NR1H4: variants seen among roughly 807,000 people sequenced by gnomAD.
NR1H4 encodes the protein bile acid receptor.
A neutral mutation model predicts 58.5 loss-of-function variants in NR1H4; 23 were observed. That is an observed-to-expected ratio of 0.39 (90% CI 0.28 to 0.56). The LOEUF (loss-of-function observed/expected upper bound fraction) is 0.56. Among genes scored for constraint, NR1H4 ranks in the 20% least tolerant of loss-of-function variants. The pLI is 0.58. For synonymous variants in NR1H4, 214 were observed against 198.0 expected, an observed-to-expected ratio of 1.08 and a Z score of -0.68; for missense variants, 487 against 576.9, an observed-to-expected ratio of 0.84 and a Z score of 1.60.
intron 3 of NR1H4, chr12:100,503,427 A>T (rs1399419464): frequency 6.3e-7 from 1 of 1,597,738 alleles, no homozygotes; most frequent in South Asian, 1.1e-5. Flanking sequence ...TCCAATTCAA[A>T]TTAGTCCTCA....
chr12:100,557,818 T>A (rs1241185414), intron 9 of NR1H4, among the ~76,000 whole-genome samples: 1 of 152,238 alleles, frequency 6.6e-6, no homozygotes, highest in Non-Finnish European at 1.5e-5. Flanking sequence ...TATTCTGGTT[T>A]GCTCAGCCAA....
At chr12:100,537,086 T>C (rs1222403807) in intron 8 of NR1H4, 39 bp downstream of exon 8, 11 of 1,196,110 alleles carry the variant, frequency 9.2e-6, no homozygotes, top group African/African-American at 1.5e-5. Context: ...TTATTGAGAG[T>C]TTAAATATGT....
chr12:100,515,275 A>C (rs1954235890), intron 4 of NR1H4, among the ~76,000 whole-genome samples: 1 of 145,178 alleles, frequency 6.9e-6, no homozygotes, highest in Non-Finnish European at 1.5e-5. Flanking sequence ...GGTTCAAGTG[A>C]TTCTCCTGCC....
chr12:100,542,351 A>T (rs1295616796), intron 9 of NR1H4, among the ~76,000 whole-genome samples: 1 of 152,186 alleles, frequency 6.6e-6, no homozygotes, highest in Non-Finnish European at 1.5e-5. Context: ...AGTCTGAAAA[A>T]AAAAGAAGCT....
At chr12:100,514,324 G>T (rs928619975) in intron 4 of NR1H4, among the ~76,000 whole-genome samples, 1 of 152,132 alleles carries the variant, frequency 6.6e-6, no homozygotes, top group Non-Finnish European at 1.5e-5. Context: ...ATTCTAATCT[G>T]CCTGTTTCAT....
intron 4 of NR1H4, among the ~76,000 whole-genome samples, chr12:100,524,006 G>A (rs930102746): frequency 8.5e-5 from 13 of 152,194 alleles, no homozygotes; most frequent in African/African-American, 1.9e-4. Flanking sequence ...AAAAGAATAC[G>A]TAGAAAAATG....
At chr12:100,493,705 C>G (rs1359515263) in intron 3 of NR1H4, among the ~76,000 whole-genome samples, 2 of 152,170 alleles carry the variant, frequency 1.3e-5, no homozygotes. Flanking sequence ...AAGGCTAATT[C>G]CAATATTATT....
rs1314299323 is a variant in NR1H4, at chr12:100,506,024, CACACACACACACACACACAGAG to C, written c.80-4752_80-4731del. Among the ~76,000 whole-genome samples, 5 of 146,608 alleles carry C rather than the reference CACACACACACACACACACAGAG, an allele frequency of 3.4e-5. 1 individual carries two copies. Among genetic ancestry groups the C allele is most frequent in the African/African-American group, 1.1e-4 (4 of 36,978 alleles). ...TATAACACACACACACACACACACACACACACACACACACACACAGAGAGAGAGAGAGAACATGAGCATATGT... is the reference window on the plus strand; with the variant it reads ...TATAACACACACACACACACACACACAGAGAGAGAGAACATGAGCATATGT... On this transcript the variant is annotated intron_variant, in intron 3 of 10. Transcript: ENST00000392986.
At chr12:100,519,491 C>G (rs1003019233) in intron 4 of NR1H4, among the ~76,000 whole-genome samples, 1 of 152,114 alleles carries the variant, frequency 6.6e-6, no homozygotes, top group South Asian at 2.1e-4. Flanking sequence ...TCCTGGGGTA[C>G]TGAGCACACT....
intron 9 of NR1H4, among the ~76,000 whole-genome samples, chr12:100,557,262 A>T (rs1955350367): frequency 9.3e-6 from 1 of 107,532 alleles, no homozygotes; most frequent in African/African-American, 3.1e-5. Flanking sequence ...GGGAGCAGGC[A>T]TGTCACATGG....
chr12:100,558,204 C>CAAAAAA (rs569114964), intron 9 of NR1H4, among the ~76,000 whole-genome samples: 2 of 84,808 alleles, frequency 2.4e-5, no homozygotes, highest in African/African-American at 7.6e-5. Context: ...ACTAAAAATA[C>CAAAAAA]AAAAAAAAAA....
At chr12:100,548,041 T>A (rs569879193) in intron 9 of NR1H4, among the ~76,000 whole-genome samples, 5 of 150,552 alleles carry the variant, frequency 3.3e-5, no homozygotes, top group Non-Finnish European at 7.4e-5. Context: ...TTTATTATAT[T>A]AAGCACTTTA....
At chr12:100,561,616 G>C (rs2136326038) in intron 9 of NR1H4, among the ~76,000 whole-genome samples, 1 of 152,262 alleles carries the variant, frequency 6.6e-6, no homozygotes, top group Admixed American at 6.5e-5. Context: ...CATTATCATT[G>C]ATTATTAGTA....
At chr12:100,503,352 C>A in intron 3 of NR1H4, 1 of 1,585,600 alleles carries the variant, frequency 6.3e-7, no homozygotes, top group Non-Finnish European at 8.5e-7. Flanking sequence ...CACTCCTTAC[C>A]TAGTCTCATT....
At chr12:100,498,277 A>C (rs1013343950) in intron 3 of NR1H4, among the ~76,000 whole-genome samples, 3 of 152,214 alleles carry the variant, frequency 2.0e-5, no homozygotes. Flanking sequence ...TCATTAAAAG[A>C]AGGAAGTACT....
chr12:100,497,342 G>T (rs939550744), intron 3 of NR1H4, among the ~76,000 whole-genome samples: 2 of 152,156 alleles, frequency 1.3e-5, no homozygotes, highest in Non-Finnish European at 2.9e-5. Context: ...CTCTTGAAAT[G>T]ACAGGTGGTC....
At position 100,481,618 on chromosome 12, in the gene NR1H4, T is replaced by TA. The variant is rs200612979; in HGVS notation, c.-190+7566dup. Among the ~76,000 whole-genome samples the TA allele has an allele frequency of 3.1e-3, 470 of 151,148 alleles. 2 individuals are homozygous for TA. The highest frequency in any genetic ancestry group is 5.2e-3 in the Non-Finnish European group (350 of 67,748). On this transcript the variant is annotated intron_variant, in intron 1 of 10. Coordinates refer to ENST00000392986, the MANE Select transcript of NR1H4 (RefSeq NM_001206979.2). ...GTGAAATCCTGTCTCTACAAAAAAT[T>TA]AAAAAAATTAGCTGGGGCTGGGCAC... is the stretch of plus-strand genomic sequence containing the variant.
At position 100,490,829 on chromosome 12, in the gene NR1H4, C is replaced by T. The variant is rs1199215891; in HGVS notation, c.-189-1674C>T. On this transcript the variant is annotated intron_variant, in intron 1 of 10. Transcript: ENST00000392986. ...TTTTCTTTTGAGACTTTAGCTCTGT[C>T]GTCCAGGCTGGAATGCAGTGGCATG... 7.9e-5 allele frequency among the ~76,000 whole-genome samples: 12 copies of T among 152,144 alleles called. No homozygotes were observed. In the South Asian group the frequency reaches 1.2e-3, roughly 16 times the overall value.
At chr12:100,555,434 A>G (rs1220774667) in intron 9 of NR1H4, among the ~76,000 whole-genome samples, 1 of 152,230 alleles carries the variant, frequency 6.6e-6, no homozygotes, top group Non-Finnish European at 1.5e-5. Flanking sequence ...GTTTGTATTT[A>G]TCCCCAGTAA....
Sources: allele counts gnomAD v4.1 joint callset (sites outside exome capture counted in the v4.1 genomes callset), GRCh38; gene constraint gnomAD v4.1.1; transcripts MANE v1.5; gene names NCBI Gene and HGNC (gene_info 2026-07-23, HGNC 2026-07-21).